Variants in ATM observed in about 807,000 individuals in gnomAD.
ATM encodes the protein serine-protein kinase ATM.
ATM carries 308 observed loss-of-function variants against 387.0 expected under a neutral mutation model. That is an observed-to-expected ratio of 0.80 (90% CI 0.73 to 0.87). The LOEUF is 0.87. ATM is among the 40% of genes least tolerant of loss of function. The probability of loss-of-function intolerance (pLI) is 0.00; values close to 1 mark genes in which losing one functional copy is unlikely to be tolerated. For missense variants in ATM, 3,312 were observed against 3,560.9 expected (o/e 0.93, Z 1.78); for synonymous variants, 1,156 against 1,187.3 (o/e 0.97, Z 0.54).
At position 108,223,245 on chromosome 11, in the gene ATM, C is replaced by G. The variant is rs546578885; in HGVS notation, c.-31+59C>G. On this transcript the variant is annotated intron_variant, in intron 1 of 62. Coordinates refer to ENST00000675843, the MANE Select transcript of ATM (RefSeq NM_000051.4). ...GCTGGGAAATTCAGTCGTGTGCGAC[C>G]CAGTCTGTCCTCTCCCCAGACCGCC... 3 of 160,540 alleles carry G rather than the reference C, an allele frequency of 1.9e-5. No individual in the cohort carries two copies. In the South Asian group the frequency reaches 4.5e-4, roughly 24 times the overall value. The allele number at this position is 160,540 out of a possible 1,614,324, so 9.9% of individuals were successfully genotyped here. A position where few individuals can be genotyped will look rare whatever the true frequency, so the allele number is the denominator to read the frequency against.
intron 22 of ATM, among the ~76,000 whole-genome samples, chr11:108,276,936 A>C (rs1429585492): frequency 6.6e-6 from 1 of 152,116 alleles, no homozygotes; most frequent in Non-Finnish European, 1.5e-5. Flanking sequence ...GCAGGCAGGA[A>C]CGTTTAAGTC....
chr11:108,244,968 AT>A lies in ATM; in HGVS notation c.845del (p.Leu282TyrfsTer38). 6.2e-7 allele frequency: 1 copy of A among 1,613,028 alleles called. No individual in the cohort carries two copies. Among genetic ancestry groups the A allele is most frequent in the Non-Finnish European group, 8.5e-7 (1 of 1,179,814 alleles). On this transcript the variant is annotated frameshift_variant, in exon 7 of 63. Coordinates refer to ENST00000675843, the MANE Select transcript of ATM (RefSeq NM_000051.4). LOFTEE classifies it high-confidence loss of function. ...NDSLKEVIIE[L>X]FQLQIYIHHP... is the part of the protein sequence containing the mutation. ...ATTCTTTAAAAGAAGTCATTATTGA[AT>A]TATTTCAACTGCAAATTTATATCCA... is the stretch of plus-strand genomic sequence containing the variant.
At position 108,271,458 on chromosome 11, in the gene ATM, C is replaced by T. The variant is rs752210658; in HGVS notation, c.3077+52C>T. ...ATTTTTCTTTTGCTATCTGTGGATACGAATGCAAGTTTTGTATCCACATCA... is the reference window on the plus strand; with the variant it reads ...ATTTTTCTTTTGCTATCTGTGGATATGAATGCAAGTTTTGTATCCACATCA... On this transcript the variant is annotated intron_variant, in intron 20 of 62. Coordinates refer to ENST00000675843, the MANE Select transcript of ATM (RefSeq NM_000051.4). The T allele has an allele frequency of 4.4e-5, 71 of 1,600,706 alleles. No individual in the cohort carries two copies. The East Asian group carries it at 1.4e-3, about 32-fold the overall frequency.
intron 17 of ATM, 113 bp downstream of exon 17, chr11:108,267,455 C>T: frequency 1.1e-6 from 1 of 897,258 alleles, no homozygotes. Flanking sequence ...CTTAGTATAG[C>T]CTTTTAGGAT....
intron 7 of ATM, among the ~76,000 whole-genome samples, chr11:108,246,021 A>T (rs1026502485): frequency 3.3e-5 from 5 of 151,806 alleles, no homozygotes; most frequent in Non-Finnish European, 5.9e-5. Context: ...ATGGGGTCTC[A>T]CCATGTTGGC....
chr11:108,345,604 G>C, intron 57 of ATM, 139 bp from the exon 58 acceptor site: 1 of 697,536 alleles, frequency 1.4e-6, no homozygotes, highest in East Asian at 2.8e-5. Flanking sequence ...TCCCTGTCCA[G>C]ACTGTTAGCT....
intron 61 of ATM, among the ~76,000 whole-genome samples, chr11:108,364,135 G>A (rs896818676): frequency 1.3e-5 from 2 of 152,152 alleles, no homozygotes; most frequent in African/African-American, 2.4e-5. Flanking sequence ...AATCTAGTAC[G>A]TGTCCTGAAA....
rs2081388106 is a variant in ATM, at chr11:108,268,517, G to A, written c.2746G>A (p.Val916Met). Residue 916 changes from valine to methionine, a missense_variant, in exon 18 of 63, where the codon GTG becomes ATG. Physicochemically the swap from Val to Met is conservative, Grantham distance 21 (BLOSUM62 1). Coordinates refer to ENST00000675843, the MANE Select transcript of ATM (RefSeq NM_000051.4). ...TGTAACTACTGCTCAGACCAATACT[G>A]TGTCCTTTAGGGCAGCTGATATTCG... ...LCVTTAQTNT[V>M]SFRAADIRRK... 1 of 1,614,046 alleles carries A rather than the reference G, an allele frequency of 6.2e-7. No individual in the cohort carries two copies. Among genetic ancestry groups the A allele is most frequent in the East Asian group, 2.2e-5 (1 of 44,862 alleles).
chr11:108,338,654 T>A (rs777220784), intron 56 of ATM, among the ~76,000 whole-genome samples: 3 of 150,828 alleles, frequency 2.0e-5, no homozygotes, highest in African/African-American at 4.9e-5. Context: ...AGAACTTGTC[T>A]TAAAAAAAAA....
intron 4 of ATM, among the ~76,000 whole-genome samples, chr11:108,234,484 T>C (rs905771310): frequency 6.6e-6 from 1 of 152,182 alleles, no homozygotes; most frequent in African/African-American, 2.4e-5. Context: ...AGAATATGTG[T>C]GTAGTCATGC....
At chr11:108,349,341 C>G (rs2088883955) in intron 59 of ATM, among the ~76,000 whole-genome samples, 2 of 152,110 alleles carry the variant, frequency 1.3e-5, no homozygotes, top group Non-Finnish European at 2.9e-5. Flanking sequence ...AAGGCAAGGA[C>G]TGAATGGAAG....
intron 5 of ATM, among the ~76,000 whole-genome samples, chr11:108,242,629 G>A (rs1471422947): frequency 6.6e-6 from 1 of 152,130 alleles, no homozygotes; most frequent in African/African-American, 2.4e-5. Flanking sequence ...GGAGGCTGAG[G>A]CAGGTGGATC....
Position 108,366,783 on chromosome 11 carries a change from TGA to T in ATM, c.*1279_*1280del, listed in dbSNP as rs1321645790. 13 of 230,470 alleles carry T rather than the reference TGA, an allele frequency of 5.6e-5. No individual in the cohort carries two copies. The East Asian group carries it at 8.0e-4, about 14-fold the overall frequency. 14.3% of individuals were successfully genotyped at this position (230,470 alleles called of 1,614,324 possible). A position where few individuals can be genotyped will look rare whatever the true frequency, so the allele number is the denominator to read the frequency against. On this transcript the variant is annotated 3_prime_UTR_variant, in exon 63 of 63. Transcript: ENST00000675843. The stretch of plus-strand genomic sequence containing the variant: ...AATATTTGATTGATGCCTTTTTCAC[TGA>T]GAGTATAAGCTTCCATGTGTCCCAC...
At chr11:108,270,700 A>C (rs1392380374) in intron 18 of ATM, among the ~76,000 whole-genome samples, 2 of 151,820 alleles carry the variant, frequency 1.3e-5, no homozygotes, top group Non-Finnish European at 2.9e-5. Context: ...TATACTTAAA[A>C]AAAATTTTTT....
intron 56 of ATM, among the ~76,000 whole-genome samples, chr11:108,337,233 TA>T (rs904698778): frequency 4.6e-5 from 7 of 152,186 alleles, no homozygotes; most frequent in African/African-American, 1.4e-4. Flanking sequence ...TACTGTTCAT[TA>T]AGGAAAGCAC....
intron 5 of ATM, 51 bp from the exon 6 acceptor site, chr11:108,243,902 A>G (rs2135219989): frequency 1.4e-6 from 2 of 1,442,266 alleles, no homozygotes; most frequent in East Asian, 2.5e-5. Flanking sequence ...AACATTTAAT[A>G]CATTTTGATT....
intron 43 of ATM, among the ~76,000 whole-genome samples, chr11:108,318,348 C>T (rs575189063): frequency 5.5e-4 from 82 of 150,304 alleles, no homozygotes; most frequent in African/African-American, 1.8e-3. Flanking sequence ...GACAACAGAG[C>T]GAGACTCTGT....
At position 108,365,759 on chromosome 11, in the gene ATM, A is replaced by C; in HGVS notation, c.*251A>C. 2.0e-6 allele frequency: 1 copy of C among 504,738 alleles called. No individual in the cohort carries two copies. 31.3% of individuals were successfully genotyped at this position (504,738 alleles called of 1,614,324 possible). The stretch of plus-strand genomic sequence containing the variant: ...CTGGGCGCAGCGGCTCACGCCTGTA[A>C]TCCCAGCACTTTGGGAGGCCGAGGT... On this transcript the variant is annotated 3_prime_UTR_variant, in exon 63 of 63. Transcript: ENST00000675843.
chr11:108,350,938 C>G (rs374443), intron 59 of ATM, among the ~76,000 whole-genome samples: 94,573 of 152,042 alleles, frequency 0.62, 29,734 homozygotes, highest in Middle Eastern at 0.76. Context: ...CACTCCAACA[C>G]AAATGCATAC....
Sources: allele counts gnomAD v4.1 joint callset (sites outside exome capture counted in the v4.1 genomes callset), GRCh38; gene constraint gnomAD v4.1.1; transcripts MANE v1.5; gene names NCBI Gene and HGNC (gene_info 2026-07-23, HGNC 2026-07-21).